CCDC88C: variants seen among roughly 807,000 people sequenced by gnomAD.
CCDC88C encodes the protein coiled-coil and HOOK domain protein 88C.
CCDC88C carries 131 observed loss-of-function variants against 198.8 expected under a neutral mutation model. The ratio of observed to expected loss-of-function variants is 0.66; its 90% CI spans 0.57 to 0.76. CCDC88C has a LOEUF of 0.76. CCDC88C is among the 30% of genes least tolerant of loss of function. The probability of loss-of-function intolerance (pLI) is 0.00; values close to 1 mark genes in which losing one functional copy is unlikely to be tolerated. For missense variants in CCDC88C, 2,553 were observed against 2,631.6 expected (o/e 0.97, Z 0.65); for synonymous variants, 1,166 against 1,114.7 (o/e 1.05, Z -0.92).
At position 91,321,264 on chromosome 14, in the gene CCDC88C, C is replaced by T. The variant is rs753079228; in HGVS notation, c.1383G>A (p.Ala461=). 4.6e-5 allele frequency: 72 copies of T among 1,576,862 alleles called. No homozygotes were observed. The highest frequency in any genetic ancestry group is 5.6e-5 in the Non-Finnish European group (65 of 1,160,484). The change falls in exon 13 of 30, where the codon GCG becomes GCA. Residue 461 remains alanine (A), a synonymous_variant. Coordinates refer to ENST00000389857, the MANE Select transcript of CCDC88C (RefSeq NM_001080414.4). The part of the protein sequence containing the change: ...KSFVFELNEC[A]SSRILKLEKE... ...TCTCCAGCTTCAGGATGCGGCTGGACGCACATTCGTTCAGCTCAAACACAA... is the reference window on the plus strand; with the variant it reads ...TCTCCAGCTTCAGGATGCGGCTGGATGCACATTCGTTCAGCTCAAACACAA...
At chr14:91,390,053 C>T (rs2139975723) in intron 3 of CCDC88C, among the ~76,000 whole-genome samples, 1 of 146,680 alleles carries the variant, frequency 6.8e-6, no homozygotes. Flanking sequence ...GCCTGGGCGA[C>T]AGGGTGAGAC....
rs986802999 is a variant in CCDC88C, at chr14:91,339,282, C to G, written c.805G>C (p.Glu269Gln). ...GAGAAGCAGCCGGGGACTCACAGCT[C>G]CTGCCTGACGCGCCGCAGCCTGGCC... Reference protein sequence around the residue: ...TKARLRRVRQELEDKTEQLVD... With the variant: ...TKARLRRVRQQLEDKTEQLVD... Residue 269 changes from glutamate to glutamine, a missense_variant, in exon 8 of 30, where the codon GAG (glutamate) becomes CAG (glutamine). Glu to Gln is a conservative substitution (Grantham distance 29). Coordinates refer to ENST00000389857, the MANE Select transcript of CCDC88C (RefSeq NM_001080414.4). The surrounding 1 kb of genome is among the most constrained non-coding windows in gnomAD (Gnocchi z 5.8). 6.2e-7 allele frequency: 1 copy of G among 1,612,444 alleles called. No individual in the cohort carries two copies. The highest frequency in any genetic ancestry group is 1.7e-5 in the Admixed American group (1 of 60,008).
chr14:91,314,310 G>C (rs1157538193), intron 14 of CCDC88C, among the ~76,000 whole-genome samples, 160 bp from the exon 15 acceptor site: 1 of 152,210 alleles, frequency 6.6e-6, no homozygotes, highest in Non-Finnish European at 1.5e-5. Context: ...AGACACAGGT[G>C]AGTGGGCACA....
intron 15 of CCDC88C, among the ~76,000 whole-genome samples, chr14:91,312,663 C>T (rs533331393): frequency 6.6e-6 from 1 of 152,152 alleles, no homozygotes; most frequent in South Asian, 2.1e-4. Flanking sequence ...CCAGCCTGGA[C>T]GACAGTGAGA....
chr14:91,299,437 T>C (rs1157432066), intron 21 of CCDC88C, among the ~76,000 whole-genome samples: 1 of 152,188 alleles, frequency 6.6e-6, no homozygotes, highest in Admixed American at 6.5e-5. Context: ...CAGCGTGCTG[T>C]CGTGTGTGCC....
chr14:91,329,696 T>C (rs1014579100), intron 10 of CCDC88C, among the ~76,000 whole-genome samples: 3 of 152,224 alleles, frequency 2.0e-5, no homozygotes, highest in Non-Finnish European at 2.9e-5. Context: ...ATTGTCAGTT[T>C]CCTCATCTGA....
chr14:91,309,309 A>T (rs1481905296), intron 16 of CCDC88C, among the ~76,000 whole-genome samples: 2 of 152,222 alleles, frequency 1.3e-5, no homozygotes, highest in Middle Eastern at 6.3e-3. Flanking sequence ...TTTTAAAAAA[A>T]TTAAGAAGCG....
chr14:91,313,468 T>G lies in CCDC88C; in HGVS notation c.2348A>C (p.Gln783Pro). The part of the protein sequence containing the change: ...QSLESSSHKT[Q>P]TLESELGELE... ...CTCGCCCAGCTCACTCTCCAAGGTCTGCGTCTTGTGGCTGCTGCTCTCCAG... is the reference window on the plus strand; with the variant it reads ...CTCGCCCAGCTCACTCTCCAAGGTCGGCGTCTTGTGGCTGCTGCTCTCCAG... Residue 783 changes from glutamine to proline, a missense_variant, in exon 15 of 30, where the codon CAG becomes CCG. Coordinates refer to ENST00000389857, the MANE Select transcript of CCDC88C (RefSeq NM_001080414.4). The surrounding 1 kb of genome is among the most constrained non-coding windows in gnomAD (Gnocchi z 5.2). The G allele has an allele frequency of 6.2e-7, 1 of 1,607,822 alleles. No homozygotes were observed. The highest frequency in any genetic ancestry group is 8.5e-7 in the Non-Finnish European group (1 of 1,179,614).
At chr14:91,333,002 G>A (rs570946859) in intron 10 of CCDC88C, among the ~76,000 whole-genome samples, 55 of 152,328 alleles carry the variant, frequency 3.6e-4, no homozygotes, top group Non-Finnish European at 4.9e-4. Flanking sequence ...CTCGGGCGGG[G>A]GTCGGGGGTG....
intron 4 of CCDC88C, among the ~76,000 whole-genome samples, chr14:91,353,575 C>T (rs567803675): frequency 6.6e-6 from 1 of 152,312 alleles, no homozygotes; most frequent in East Asian, 1.9e-4. Flanking sequence ...TGAAAAGGTA[C>T]TCCAGTCTTT....
chr14:91,321,141 C>T lies in CCDC88C; in HGVS notation c.1506G>A (p.Glu502=). 6.2e-7 allele frequency: 1 copy of T among 1,611,214 alleles called. No homozygotes were observed. Among genetic ancestry groups the T allele is most frequent in the Non-Finnish European group, 8.5e-7 (1 of 1,178,606 alleles). The change falls in exon 13 of 30, where the codon GAG becomes GAA. Residue 502 remains glutamate (E), a synonymous_variant. Coordinates refer to ENST00000389857, the MANE Select transcript of CCDC88C (RefSeq NM_001080414.4). The part of the protein sequence containing the change: ...SGLKCGELEK[E]NHQLSKKIEK... Reference sequence around the variant, plus strand: ...GTACCTTCTTGCTGAGCTGGTGGTTCTCCTTCTCCAGCTCCCCGCACTTGA... The same window carrying T: ...GTACCTTCTTGCTGAGCTGGTGGTTTTCCTTCTCCAGCTCCCCGCACTTGA...
At chr14:91,350,408 C>T (rs980479775) in intron 4 of CCDC88C, among the ~76,000 whole-genome samples, 10 of 152,112 alleles carry the variant, frequency 6.6e-5, no homozygotes, top group African/African-American at 1.9e-4. Context: ...GTGATTCATC[C>T]GTCTTGGCCT....
chr14:91,293,370 CT>C (rs1890785899), intron 23 of CCDC88C, among the ~76,000 whole-genome samples: 1 of 87,886 alleles, frequency 1.1e-5, no homozygotes, highest in African/African-American at 4.8e-5. Context: ...CACGGCCCAC[CT>C]TCCTGCCCCC....
At chr14:91,372,632 A>G (rs559339238) in intron 3 of CCDC88C, among the ~76,000 whole-genome samples, 20 of 151,604 alleles carry the variant, frequency 1.3e-4, no homozygotes, top group African/African-American at 4.6e-4. Flanking sequence ...GTCTCTGGCT[A>G]CAGTCCCACG....
intron 28 of CCDC88C, among the ~76,000 whole-genome samples, chr14:91,278,889 C>CTTT (rs10671669): frequency 0.32 from 17,184 of 54,348 alleles, 6,771 homozygotes; most frequent in Non-Finnish European, 0.38. Flanking sequence ...ACCAAATACA[C>CTTT]TTTTTTTTTT....
At chr14:91,362,021 G>GT (rs1341087592) in intron 3 of CCDC88C, among the ~76,000 whole-genome samples, 1 of 152,090 alleles carries the variant, frequency 6.6e-6, no homozygotes, top group Non-Finnish European at 1.5e-5. Flanking sequence ...ATCACCTGAG[G>GT]TCAGGGGTTC....
intron 3 of CCDC88C, among the ~76,000 whole-genome samples, chr14:91,405,207 T>C (rs1239281445): frequency 6.6e-6 from 1 of 152,134 alleles, no homozygotes; most frequent in Non-Finnish European, 1.5e-5. Flanking sequence ...GCCCACGCTC[T>C]TTAGGAAAGG....
rs1316619914 is a variant in CCDC88C, at chr14:91,313,583, C to T, written c.2233G>A (p.Asp745Asn). 6.2e-6 allele frequency: 10 copies of T among 1,612,174 alleles called. No homozygotes were observed. The highest frequency in any genetic ancestry group is 8.5e-6 in the Non-Finnish European group (10 of 1,179,894). Residue 745 changes from aspartate (D) to asparagine (N), a missense_variant, in exon 15 of 30, where the codon GAT becomes AAT. Coordinates refer to ENST00000389857, the MANE Select transcript of CCDC88C (RefSeq NM_001080414.4). The surrounding 1 kb of genome is among the most constrained non-coding windows in gnomAD (Gnocchi z 5.2). The stretch of plus-strand genomic sequence containing the variant: ...TTCTTGCCCAGCGCCTTGAGCAGAT[C>T]CACGTTCTTCCTCAGCTCCTCCTTC... Reference protein sequence around the residue: ...REKEELRKNVDLLKALGKKSE... With the variant: ...REKEELRKNVNLLKALGKKSE...
intron 13 of CCDC88C, among the ~76,000 whole-genome samples, chr14:91,318,251 T>A (rs1012181927): frequency 2.7e-5 from 4 of 150,858 alleles, no homozygotes; most frequent in African/African-American, 4.9e-5. Flanking sequence ...GAGACCCCAG[T>A]TCCAAAAAAA....
Sources: allele counts gnomAD v4.1 joint callset (sites outside exome capture counted in the v4.1 genomes callset), GRCh38; gene constraint gnomAD v4.1.1; non-coding constraint Gnocchi (gnomAD v3.1); transcripts MANE v1.5; gene names NCBI Gene and HGNC (gene_info 2026-07-23, HGNC 2026-07-21).